STMN3: variants seen among roughly 807,000 people sequenced by gnomAD.
STMN3 encodes the protein stathmin 3, also known as stathmin-3.
Under a neutral mutation model 23.2 loss-of-function variants are expected in STMN3, and 24 were observed. That is an observed-to-expected ratio of 1.03 (90% CI 0.75 to 1.45). The LOEUF is 1.45. STMN3 is among the 40% of genes most tolerant of loss of function. The pLI is 0.00. For synonymous variants in STMN3, 117 were observed against 103.4 expected (o/e 1.13, Z -0.80); for missense variants, 235 against 237.6 (o/e 0.99, Z 0.07).
Position 63,652,789 on chromosome 20 carries a change from C to A in STMN3, c.19+538G>T. On this transcript the variant is annotated intron_variant, in intron 1 of 4. Transcript: ENST00000370053. This position sits in a 1 kb window ranked among gnomAD's most constrained non-coding sequence, Gnocchi z 5.3. Reference sequence around the variant, plus strand: ...TGTGGGGGGAGGGCGCGGTCCCCCTCACTCCGGGCTCCGCCGTGTCTGGCC... The same window carrying A: ...TGTGGGGGGAGGGCGCGGTCCCCCTAACTCCGGGCTCCGCCGTGTCTGGCC... 1.0e-6 allele frequency: 1 copy of A among 985,552 alleles called. No homozygotes were observed. The highest frequency in any genetic ancestry group is 1.2e-6 in the Non-Finnish European group (1 of 830,016). The allele number at this position is 985,552 out of a possible 1,614,324, so 61.1% of individuals were successfully genotyped here.
At position 63,647,646 on chromosome 20, in the gene STMN3, A is replaced by ACG. The variant is rs1569069717; in HGVS notation, c.20-3338_20-3337insCG. Among the ~76,000 whole-genome samples the ACG allele has an allele frequency of 7.4e-4, 103 of 138,294 alleles. 6 individuals carry two copies. The highest frequency in any genetic ancestry group is 2.6e-3 in the African/African-American group (95 of 36,536). 90.7% of individuals were successfully genotyped at this position (138,294 alleles called of 152,430 possible). Reference sequence around the variant, plus strand: ...CAAACACAAACAAACATATATATATATACATGTATATATATAATATATATA... The same window carrying ACG: ...CAAACACAAACAAACATATATATATACGTACATGTATATATATAATATATATA... On this transcript the variant is annotated intron_variant, in intron 1 of 4. Coordinates refer to ENST00000370053, the MANE Select transcript of STMN3 (RefSeq NM_015894.4).
chr20:63,643,129 G>GCC (rs1220825182), intron 3 of STMN3, among the ~76,000 whole-genome samples: 2 of 152,026 alleles, frequency 1.3e-5, no homozygotes, highest in Non-Finnish European at 2.9e-5. Flanking sequence ...GGAGAGGGAT[G>GCC]CCCCACCCGA....
intron 1 of STMN3, among the ~76,000 whole-genome samples, chr20:63,648,356 A>G (rs1444020128): frequency 6.6e-6 from 1 of 152,126 alleles, no homozygotes; most frequent in Non-Finnish European, 1.5e-5. Context: ...TGGCCCCTCC[A>G]GGCCTGACTC....
rs763234769 is a variant in STMN3 at position 63,647,689 on chromosome 20, G to GTA, written c.20-3382_20-3381dup. The stretch of plus-strand genomic sequence containing the variant: ...TATATATATACGTATATATACACGT[G>GTA]TATATATATAATATATATACACGTG... On this transcript the variant is annotated intron_variant, in intron 1 of 4. Coordinates refer to ENST00000370053, the MANE Select transcript of STMN3 (RefSeq NM_015894.4). 1.3e-4 allele frequency among the ~76,000 whole-genome samples: 6 copies of GTA among 45,118 alleles called. No homozygotes were observed. The South Asian group carries it at 2.8e-3, about 21-fold the overall frequency. The allele number at this position is 45,118 out of a possible 152,430, so 29.6% of individuals were successfully genotyped here.
intron 1 of STMN3, among the ~76,000 whole-genome samples, chr20:63,649,536 T>TC (rs2089841394): frequency 6.6e-6 from 1 of 151,022 alleles, no homozygotes; most frequent in Admixed American, 6.6e-5. Flanking sequence ...CTCTCTCTCT[T>TC]TTTGTTTTTT....
chr20:63,646,673 G>A (rs2089811932), intron 1 of STMN3, among the ~76,000 whole-genome samples: 1 of 151,958 alleles, frequency 6.6e-6, no homozygotes, highest in African/African-American at 2.4e-5. Context: ...TTTAGAAACA[G>A]GACTGTGCTC....
Position 63,644,383 on chromosome 20 carries a change from G to A in STMN3, c.20-74C>T. The A allele has an allele frequency of 6.9e-6, 8 of 1,152,808 alleles. No homozygotes were observed. The South Asian group carries it at 1.0e-4, about 15-fold the overall frequency. The allele number at this position is 1,152,808 out of a possible 1,614,324, so 71.4% of individuals were successfully genotyped here. On this transcript the variant is annotated intron_variant, in intron 1 of 4. Coordinates refer to ENST00000370053, the MANE Select transcript of STMN3 (RefSeq NM_015894.4). ...CTGGGCCCCCGTTTTCCCTCCCCAT[G>A]GCTGCCTCTATCATGTCTCTGTGAG... is the stretch of plus-strand genomic sequence containing the variant.
rs1442002106 is a variant in STMN3 at position 63,641,406 on chromosome 20, CAG to C, written c.484-11_484-10del. 7.0e-6 allele frequency: 11 copies of C among 1,562,754 alleles called. No individual in the cohort carries two copies. Among genetic ancestry groups the C allele is most frequent in the Non-Finnish European group, 9.5e-6 (11 of 1,154,686 alleles). On this transcript the variant is annotated splice_polypyrimidine_tract_variant and intron_variant, in intron 4 of 4. Coordinates refer to ENST00000370053, the MANE Select transcript of STMN3 (RefSeq NM_015894.4). Reference sequence around the variant, plus strand: ...TCGGCCGCGTGCAGCTCCTGCAGGACAGGGGGCGGGAGGGCCTGAGGGCGGGG... The same window carrying C: ...TCGGCCGCGTGCAGCTCCTGCAGGACGGGGCGGGAGGGCCTGAGGGCGGGG...
intron 1 of STMN3, among the ~76,000 whole-genome samples, chr20:63,645,267 C>T (rs1041691158): frequency 1.3e-5 from 2 of 152,178 alleles, no homozygotes; most frequent in African/African-American, 4.8e-5. Context: ...GGGCTGTAAA[C>T]CTGGATGAAG....
intron 1 of STMN3, among the ~76,000 whole-genome samples, chr20:63,653,058 C>A (rs1030846942): frequency 2.4e-4 from 36 of 151,806 alleles, no homozygotes; most frequent in African/African-American, 8.2e-4. Flanking sequence ...TCGCGCCCTG[C>A]GTGGCACGCT....
intron 1 of STMN3, among the ~76,000 whole-genome samples, chr20:63,646,031 GA>G (rs1351225775): frequency 6.6e-6 from 1 of 152,032 alleles, no homozygotes; most frequent in African/African-American, 2.4e-5. Context: ...AGGAAAGGAA[GA>G]CAGACAAGGC....
At chr20:63,651,650 G>T (rs2089859552) in intron 1 of STMN3, among the ~76,000 whole-genome samples, 1 of 152,320 alleles carries the variant, frequency 6.6e-6, no homozygotes, top group East Asian at 1.9e-4. Context: ...GCAGGCAAGC[G>T]GCCAAGCACC....
At chr20:63,650,876 C>T (rs1168465849) in intron 1 of STMN3, among the ~76,000 whole-genome samples, 1 of 147,854 alleles carries the variant, frequency 6.8e-6, no homozygotes, top group Non-Finnish European at 1.5e-5. Context: ...TCACACCCAC[C>T]CCTCCCGCCC....
intron 4 of STMN3, among the ~76,000 whole-genome samples, chr20:63,641,751 C>T (rs1364573659): frequency 6.6e-6 from 1 of 151,722 alleles, no homozygotes; most frequent in Non-Finnish European, 1.5e-5. Context: ...CTGGGGACGC[C>T]CAGTAAACAC....
chr20:63,647,917 TTAA>T (rs1301145946), intron 1 of STMN3, among the ~76,000 whole-genome samples: 2 of 115,662 alleles, frequency 1.7e-5, no homozygotes, highest in Admixed American at 1.0e-4. Flanking sequence ...TGTGTATATA[TTAA>T]TATATATACG....
chr20:63,647,930 G>GTGTATA (rs2089828196), intron 1 of STMN3, among the ~76,000 whole-genome samples: 1 of 64,842 alleles, frequency 1.5e-5, no homozygotes, highest in Non-Finnish European at 3.1e-5. Flanking sequence ...ATATATATAC[G>GTGTATA]TATATATGTG....
At chr20:63,647,674 C>CATAT (rs1491238574) in intron 1 of STMN3, among the ~76,000 whole-genome samples, 6 of 103,046 alleles carry the variant, frequency 5.8e-5, no homozygotes, top group African/African-American at 2.0e-4. Context: ...TATATATATA[C>CATAT]GTATATATAC....
chr20:63,644,926 A>G (rs1463460603), intron 1 of STMN3, among the ~76,000 whole-genome samples: 2 of 152,100 alleles, frequency 1.3e-5, no homozygotes, highest in Non-Finnish European at 2.9e-5. Context: ...CCTGTCGTCT[A>G]TAAACCACTC....
In STMN3 at chr20:63,647,991, T is replaced by TATATATATATATATAC. The variant is rs1288050001; in HGVS notation, c.20-3683_20-3682insGTATATATATATATAT. Among the ~76,000 whole-genome samples, 8 of 75,890 alleles carry TATATATATATATATAC rather than the reference T, an allele frequency of 1.1e-4. 1 individual carries two copies. Among genetic ancestry groups the TATATATATATATATAC allele is most frequent in the Non-Finnish European group, 1.9e-4 (7 of 36,894 alleles). The allele number at this position is 75,890 out of a possible 152,430, so 49.8% of individuals were successfully genotyped here. The stretch of plus-strand genomic sequence containing the variant: ...ATATATATATATATACATATATATA[T>TATATATATATATATAC]ACAGAGAGAGAGAGAGTAGTGATAG... On this transcript the variant is annotated intron_variant, in intron 1 of 4. Coordinates refer to ENST00000370053, the MANE Select transcript of STMN3 (RefSeq NM_015894.4).
Sources: gnomAD v4.1 joint callset for allele counts (sites outside exome capture counted in the v4.1 genomes callset) on GRCh38, gnomAD v4.1.1 for gene constraint, Gnocchi (gnomAD v3.1) non-coding constraint, MANE v1.5 for transcripts, NCBI Gene and HGNC (gene_info 2026-07-23, HGNC 2026-07-21) for gene names.